The following IMPG2 variants were observed in gnomAD, a reference collection of about 807,000 sequenced individuals.
IMPG2 encodes IPM 200.
Under a neutral mutation model 129.2 loss-of-function variants are expected in IMPG2, and 91 were observed. That is an observed-to-expected ratio of 0.70 (90% CI 0.59 to 0.84). IMPG2 has a LOEUF of 0.84. Ranked by LOEUF, IMPG2 falls within the 40% of genes least tolerant of loss-of-function variation. IMPG2 has a pLI of 0.00. For missense variants in IMPG2, 1,430 were observed against 1,461.7 expected, an observed-to-expected ratio of 0.98 and a Z score of 0.35; for synonymous variants, 510 against 517.7, an observed-to-expected ratio of 0.99 and a Z score of 0.20.
chr3:101,278,428 T>C (rs1706860366), intron 4 of IMPG2, among the ~76,000 whole-genome samples: 6 of 152,122 alleles, frequency 3.9e-5, no homozygotes. Context: ...ACTCAAAGCC[T>C]GGAGATAAAC....
At chr3:101,308,903 C>A (rs1441077329) in intron 2 of IMPG2, among the ~76,000 whole-genome samples, 1 of 152,172 alleles carries the variant, frequency 6.6e-6, no homozygotes, top group East Asian at 1.9e-4. Flanking sequence ...CCCAAGTCAC[C>A]TCTTGAATGC....
At chr3:101,242,487 T>G (rs1706420328) in intron 14 of IMPG2, among the ~76,000 whole-genome samples, 1 of 152,198 alleles carries the variant, frequency 6.6e-6, no homozygotes, top group Non-Finnish European at 1.5e-5. Flanking sequence ...GTAACATGTT[T>G]GGACGATGTT....
intron 13 of IMPG2, among the ~76,000 whole-genome samples, chr3:101,243,133 T>C (rs964389580): frequency 6.6e-6 from 1 of 152,236 alleles, no homozygotes; most frequent in Non-Finnish European, 1.5e-5. Flanking sequence ...AGGAACCCCA[T>C]GGAATTCATA....
At chr3:101,248,228 G>A (rs1049619150) in intron 11 of IMPG2, among the ~76,000 whole-genome samples, 4 of 152,092 alleles carry the variant, frequency 2.6e-5, no homozygotes, top group Admixed American at 6.6e-5. Flanking sequence ...AGGTCTTTCC[G>A]TTGCTGTTCT....
chr3:101,243,023 T>C, intron 13 of IMPG2, 116 bp from the exon 14 acceptor site: 1 of 783,742 alleles, frequency 1.3e-6, no homozygotes, highest in South Asian at 1.4e-5. Context: ...TTCCTAATTG[T>C]ATTTTATCTA....
At chr3:101,263,269 A>G (rs1706689231) in intron 9 of IMPG2, among the ~76,000 whole-genome samples, 1 of 152,042 alleles carries the variant, frequency 6.6e-6, no homozygotes, top group South Asian at 2.1e-4. Flanking sequence ...TGTTTTCATC[A>G]GCACATGGAA....
At chr3:101,280,309 T>G (rs1706879008) in intron 4 of IMPG2, among the ~76,000 whole-genome samples, 1 of 152,214 alleles carries the variant, frequency 6.6e-6, no homozygotes, top group Middle Eastern at 3.2e-3. Flanking sequence ...CCTTGATATC[T>G]TCTATACTTT....
intron 4 of IMPG2, among the ~76,000 whole-genome samples, chr3:101,281,881 AAGGCAAGAAAAC>A (rs1194780461): frequency 1.3e-5 from 2 of 152,196 alleles, no homozygotes; most frequent in African/African-American, 2.4e-5. Context: ...GAAGCTAGAA[AAGGCAAGAAAAC>A]AGATTCTCCC....
At chr3:101,313,745 G>A (rs917610274) in intron 2 of IMPG2, among the ~76,000 whole-genome samples, 3 of 151,966 alleles carry the variant, frequency 2.0e-5, no homozygotes, top group Non-Finnish European at 2.9e-5. Context: ...CCATTTTGGT[G>A]CAATAAGGCA....
At chr3:101,300,179 C>T (rs1355343586) in intron 3 of IMPG2, among the ~76,000 whole-genome samples, 3 of 152,238 alleles carry the variant, frequency 2.0e-5, no homozygotes, top group Non-Finnish European at 4.4e-5. Flanking sequence ...GCGCTCTGTC[C>T]GCAGTCTGCC....
intron 9 of IMPG2, among the ~76,000 whole-genome samples, chr3:101,263,361 C>T (rs1706690280): frequency 6.6e-6 from 1 of 151,858 alleles, no homozygotes; most frequent in Non-Finnish European, 1.5e-5. Context: ...AAGTATCTTA[C>T]CTGACCACAA....
chr3:101,277,475 A>G (rs1706850593), intron 4 of IMPG2, among the ~76,000 whole-genome samples: 1 of 152,250 alleles, frequency 6.6e-6, no homozygotes, highest in Non-Finnish European at 1.5e-5. Flanking sequence ...CACTAAATCA[A>G]TAATTACAGA....
chr3:101,247,667 G>A (rs112403234), intron 11 of IMPG2, among the ~76,000 whole-genome samples: 1 of 152,136 alleles, frequency 6.6e-6, no homozygotes, highest in African/African-American at 2.4e-5. Context: ...TCCCAGGCCT[G>A]ACACTCAGAA....
At position 101,244,636 on chromosome 3, in the gene IMPG2, T is replaced by A; in HGVS notation, c.1695A>T (p.Ile565=). 1.8e-5 allele frequency: 29 copies of A among 1,612,648 alleles called. No homozygotes were observed. The highest frequency in any genetic ancestry group is 1.7e-4 in the Middle Eastern group (1 of 6,052). Residue 565 remains isoleucine, a synonymous_variant, in exon 13 of 19, where the codon ATA becomes ATT. Transcript: ENST00000193391. ...AGGTCAAGGAGTCCAAGCCAAAAGG[T>A]ATAGAAGAGGTCAGATATGGTGAAG... ...LTSSPYLTSS[I]PFGLDSLTSK... is the part of the protein sequence containing the mutation.
chr3:101,246,045 G>C lies in IMPG2; in HGVS notation c.1300C>G (p.Pro434Ala), dbSNP rs201924170. The C allele has an allele frequency of 1.2e-6, 2 of 1,614,006 alleles. No homozygotes were observed. The highest frequency in any genetic ancestry group is 2.7e-5 in the African/African-American group (2 of 74,912). ...GGAGGACCAGAGCTGAAATCAAGTG[G>C]TGGAATACTGCTGGTGATGGATTCA... The part of the protein sequence containing the change: ...ADESITSSIP[P>A]LDFSSGPPSA... The change falls in exon 12 of 19, where the codon CCA becomes GCA. Residue 434 changes from proline (P) to alanine (A), a missense_variant. By Grantham distance (27) the Pro-to-Ala change is conservative. Coordinates refer to ENST00000193391, the MANE Select transcript of IMPG2 (RefSeq NM_016247.4).
At chr3:101,277,798 A>G (rs1706853813) in intron 4 of IMPG2, among the ~76,000 whole-genome samples, 1 of 152,246 alleles carries the variant, frequency 6.6e-6, no homozygotes, top group African/African-American at 2.4e-5. Context: ...CAAAGCTATA[A>G]AAGTTAAATT....
chr3:101,243,567 A>G lies in IMPG2; in HGVS notation c.2764T>C (p.Leu922=), dbSNP rs1706433254. The G allele has an allele frequency of 6.2e-7, 1 of 1,613,764 alleles. No homozygotes were observed. The highest frequency in any genetic ancestry group is 1.7e-5 in the Admixed American group (1 of 59,950). The part of the protein sequence containing the change: ...FSEDLFNKNS[L]EYKALEQRFL... The stretch of plus-strand genomic sequence containing the variant: ...CTTTGCTCCAGGGCTTTATACTCCA[A>G]GGAGTTTTTATTAAACAGATCTTCT... Residue 922 remains leucine (L), a synonymous_variant, in exon 13 of 19, where the codon TTG becomes CTG. Coordinates refer to ENST00000193391, the MANE Select transcript of IMPG2 (RefSeq NM_016247.4).
chr3:101,306,337 T>C (rs1707189070), intron 2 of IMPG2, among the ~76,000 whole-genome samples: 1 of 152,202 alleles, frequency 6.6e-6, no homozygotes, highest in Non-Finnish European at 1.5e-5. Flanking sequence ...TGTATGAGTA[T>C]TGAAAGTTTC....
At chr3:101,288,169 A>G (rs1462071787) in intron 4 of IMPG2, among the ~76,000 whole-genome samples, 2 of 152,210 alleles carry the variant, frequency 1.3e-5, no homozygotes, top group Non-Finnish European at 2.9e-5. Flanking sequence ...AATGCAAATC[A>G]AAACTACAAT....
Sources: gnomAD v4.1 joint callset for allele counts (sites outside exome capture counted in the v4.1 genomes callset) on GRCh38, gnomAD v4.1.1 for gene constraint, MANE v1.5 for transcripts, NCBI Gene and HGNC (gene_info 2026-07-23, HGNC 2026-07-21) for gene names.